The following LHPP variants were observed in gnomAD, a reference collection of about 807,000 sequenced individuals.
LHPP encodes hLHPP.
A neutral mutation model predicts 30.3 loss-of-function variants in LHPP; 24 were observed. That is an observed-to-expected ratio of 0.79 (90% CI 0.57 to 1.11). The LOEUF is 1.11. Ranked by LOEUF, LHPP falls within the 50% of genes most tolerant of loss-of-function variation. The pLI is 0.00. For missense variants in LHPP, 356 were observed against 367.2 expected, an observed-to-expected ratio of 0.97 and a Z score of 0.25; for synonymous variants, 150 against 157.1, an observed-to-expected ratio of 0.95 and a Z score of 0.34.
intron 6 of LHPP, among the ~76,000 whole-genome samples, chr10:124,591,089 G>T (rs1328992261): frequency 6.6e-6 from 1 of 152,222 alleles, no homozygotes; most frequent in Non-Finnish European, 1.5e-5. Context: ...ATAAGCCGGG[G>T]GGAAGGGGGC....
At chr10:124,534,128 C>T (rs1034456233) in intron 6 of LHPP, among the ~76,000 whole-genome samples, 1 of 152,220 alleles carries the variant, frequency 6.6e-6, no homozygotes, top group African/African-American at 2.4e-5. Flanking sequence ...CCTCAGAGGC[C>T]CTAGGCGTGA....
intron 1 of LHPP, among the ~76,000 whole-genome samples, chr10:124,483,456 A>T (rs1003662156): frequency 6.6e-6 from 1 of 152,082 alleles, no homozygotes; most frequent in African/African-American, 2.4e-5. Context: ...TATTGCATGG[A>T]TCTCAGGGGC....
intron 3 of LHPP, chr10:124,490,369 T>C: frequency 3.2e-6 from 1 of 313,252 alleles, no homozygotes; most frequent in African/African-American, 2.2e-5. Flanking sequence ...CCCATGTGGG[T>C]GAGGTACCAG....
intron 5 of LHPP, among the ~76,000 whole-genome samples, chr10:124,514,826 G>C (rs1257557236): frequency 6.6e-6 from 1 of 150,926 alleles, no homozygotes; most frequent in Non-Finnish European, 1.5e-5. Context: ...TTTAGAGACA[G>C]GGTCTTGCTC....
chr10:124,554,865 G>A (rs1392488822), intron 6 of LHPP, among the ~76,000 whole-genome samples: 2 of 152,388 alleles, frequency 1.3e-5, no homozygotes, highest in East Asian at 3.9e-4. Flanking sequence ...ACGAAGGAAT[G>A]AGGCAAATGT....
chr10:124,581,355 A>G (rs1948740002), intron 6 of LHPP, among the ~76,000 whole-genome samples: 1 of 152,210 alleles, frequency 6.6e-6, no homozygotes. Flanking sequence ...TAATGCTGCT[A>G]TAAGGATTCA....
intron 6 of LHPP, among the ~76,000 whole-genome samples, chr10:124,519,894 G>A (rs539390970): frequency 4.0e-5 from 6 of 151,722 alleles, no homozygotes; most frequent in South Asian, 2.1e-4. Context: ...GTGCAGTGGC[G>A]CAGTCTCGGC....
rs759712240 is a variant in LHPP at position 124,517,287 on chromosome 10, AG to A, written c.716+17del. 1 of 1,534,276 alleles carries A rather than the reference AG, an allele frequency of 6.5e-7. No homozygotes were observed. Among genetic ancestry groups the A allele is most frequent in the East Asian group, 2.3e-5 (1 of 43,028 alleles). On this transcript the variant is annotated intron_variant, in intron 6 of 6. Coordinates refer to ENST00000368842, the MANE Select transcript of LHPP (RefSeq NM_022126.4). The surrounding 1 kb of genome is among the most constrained non-coding windows in gnomAD (Gnocchi z 4.1). ...GGAAGTTCAGGTCAGTGCCAGCTGG[AG>A]TCATTTATTCACCTTCCTTCCAGGG...
chr10:124,568,977 G>A (rs1031974409), intron 6 of LHPP, among the ~76,000 whole-genome samples: 24 of 152,220 alleles, frequency 1.6e-4, no homozygotes, highest in South Asian at 4.1e-4. Flanking sequence ...TGCTCCCAGC[G>A]CCCTCCCACA....
chr10:124,462,058 G>C (rs1336566398), intron 1 of LHPP, 71 bp downstream of exon 1: 10 of 1,169,032 alleles, frequency 8.6e-6, no homozygotes, highest in Non-Finnish European at 1.1e-5. Flanking sequence ...CTGCCGGCAG[G>C]GGGCGGGGCG....
rs747954796 is a variant in LHPP, at chr10:124,587,738, TAAAAAAAAA to T, written c.717-25507_717-25499del. 4.9e-3 allele frequency among the ~76,000 whole-genome samples: 261 copies of T among 53,004 alleles called. 2 individuals carry two copies. The highest frequency in any genetic ancestry group is 0.017 in the Middle Eastern group (1 of 58). 34.8% of individuals were successfully genotyped at this position (53,004 alleles called of 152,430 possible). On this transcript the variant is annotated intron_variant, in intron 6 of 6. Transcript: ENST00000368842. ...CTGGGAGACACAGCCAGACTCCATC[TAAAAAAAAA>T]AAAAAAAAAAAAAAAAAACCAAAAA...
chr10:124,552,131 C>T lies in LHPP; in HGVS notation c.716+34860C>T, dbSNP rs373112487. On this transcript the variant is annotated intron_variant, in intron 6 of 6. Coordinates refer to ENST00000368842, the MANE Select transcript of LHPP (RefSeq NM_022126.4). The stretch of plus-strand genomic sequence containing the variant: ...GGCACTCCAGGCTGCCCCTGCCCTC[C>T]TGCGCTCTTGCCCTCCAGCCTTTCC... 5.9e-5 allele frequency among the ~76,000 whole-genome samples: 9 copies of T among 152,112 alleles called. No homozygotes were observed. In the East Asian group the frequency reaches 1.5e-3, roughly 26 times the overall value.
chr10:124,469,515 G>A (rs1952666565), intron 1 of LHPP, among the ~76,000 whole-genome samples: 1 of 152,054 alleles, frequency 6.6e-6, no homozygotes, highest in African/African-American at 2.4e-5. Context: ...TGAGGTGGGG[G>A]GGGCTTCCTC....
rs58582965 is a variant in LHPP at position 124,610,437 on chromosome 10, A to T, written c.717-2827A>T. On this transcript the variant is annotated intron_variant, in intron 6 of 6. Transcript: ENST00000368842. ...GGTGAGGGTGAGGGTGAGGGTGCTG[A>T]TGCAGCGGGTGAGGGTGAGGGTGAG... Among the ~76,000 whole-genome samples the T allele has an allele frequency of 5.5e-5, 2 of 36,258 alleles. 1 individual carries two copies. 23.8% of individuals were successfully genotyped at this position (36,258 alleles called of 152,430 possible). A position where few individuals can be genotyped will look rare whatever the true frequency, so the allele number is the denominator to read the frequency against.
chr10:124,560,079 A>G (rs1352993423), intron 6 of LHPP, among the ~76,000 whole-genome samples: 5 of 152,238 alleles, frequency 3.3e-5, no homozygotes, highest in African/African-American at 4.8e-5. Flanking sequence ...GGCACAGCTC[A>G]TGGTCTAGAG....
intron 3 of LHPP, chr10:124,493,933 T>G (rs1170157819): frequency 6.6e-6 from 1 of 152,174 alleles, no homozygotes; most frequent in Non-Finnish European, 1.5e-5. Context: ...CAAGATGCCT[T>G]TTTGTTTTTC....
chr10:124,578,021 G>GATA (rs1948691238), intron 6 of LHPP, among the ~76,000 whole-genome samples: 1 of 152,156 alleles, frequency 6.6e-6, no homozygotes, highest in South Asian at 2.1e-4. Flanking sequence ...CTTCCTCTAT[G>GATA]CCAGGTGTGC....
intron 6 of LHPP, among the ~76,000 whole-genome samples, chr10:124,580,084 C>G (rs1373527807): frequency 6.6e-6 from 1 of 150,820 alleles, no homozygotes; most frequent in Non-Finnish European, 1.5e-5. Flanking sequence ...TGTGAATTAC[C>G]TATTCATATC....
chr10:124,521,844 C>T (rs1032819456), intron 6 of LHPP, among the ~76,000 whole-genome samples: 8 of 152,098 alleles, frequency 5.3e-5, no homozygotes, highest in African/African-American at 1.2e-4. Flanking sequence ...GTACGGAGCA[C>T]GCACACGTGC....
Sources: allele counts gnomAD v4.1 joint callset (sites outside exome capture counted in the v4.1 genomes callset), GRCh38; gene constraint gnomAD v4.1.1; non-coding constraint Gnocchi (gnomAD v3.1); transcripts MANE v1.5; gene names NCBI Gene and HGNC (gene_info 2026-07-23, HGNC 2026-07-21).